Variants in PLXNC1 observed in about 807,000 individuals in gnomAD.
PLXNC1 encodes the protein plexin-C1.
Under a neutral mutation model 178.2 loss-of-function variants are expected in PLXNC1, and 75 were observed. The ratio of observed to expected loss-of-function variants is 0.42; its 90% confidence interval spans 0.35 to 0.51. PLXNC1 has a LOEUF of 0.51. Ranked by LOEUF, PLXNC1 falls within the 20% of genes least tolerant of loss-of-function variation. The probability of loss-of-function intolerance (pLI) is 0.02; values close to 1 mark genes in which losing one functional copy is unlikely to be tolerated. For missense variants in PLXNC1, 1,503 were observed against 1,984.4 expected (o/e 0.76, Z 4.61); for synonymous variants, 790 against 779.9 (o/e 1.01, Z -0.22).
chr12:94,220,639 A>T (rs1963768571), intron 6 of PLXNC1, among the ~76,000 whole-genome samples: 1 of 152,224 alleles, frequency 6.6e-6, no homozygotes, highest in Admixed American at 6.5e-5. Flanking sequence ...TGCCCCTAAA[A>T]AAAAGACTGT....
At chr12:94,301,100 T>A in intron 28 of PLXNC1, 43 bp downstream of exon 28, 1 of 1,560,968 alleles carries the variant, frequency 6.4e-7, no homozygotes, top group East Asian at 2.2e-5. Context: ...GTCTTATGAG[T>A]TTGACATACT....
chr12:94,260,858 C>T lies in PLXNC1; in HGVS notation c.3450+18C>T. 6.2e-7 allele frequency: 1 copy of T among 1,608,696 alleles called. No homozygotes were observed. Among genetic ancestry groups the T allele is most frequent in the Non-Finnish European group, 8.5e-7 (1 of 1,175,248 alleles). ...TTCTCCGGGTAAGTGTCACATCCCTCAGCAATGTCAGAGGTAAGACAATAG... is the reference window on the plus strand; with the variant it reads ...TTCTCCGGGTAAGTGTCACATCCCTTAGCAATGTCAGAGGTAAGACAATAG... On this transcript the variant is annotated intron_variant, in intron 20 of 30. Transcript: ENST00000258526. The surrounding 1 kb of genome is among the most constrained non-coding windows in gnomAD (Gnocchi z 4.4).
chr12:94,283,179 A>G (rs1403505514), intron 23 of PLXNC1, among the ~76,000 whole-genome samples: 1 of 152,214 alleles, frequency 6.6e-6, no homozygotes, highest in Non-Finnish European at 1.5e-5. Context: ...AGACAAGTAG[A>G]GTCAACACCT....
intron 4 of PLXNC1, among the ~76,000 whole-genome samples, chr12:94,188,719 G>A (rs1962613340): frequency 6.6e-6 from 1 of 152,250 alleles, no homozygotes; most frequent in Admixed American, 6.5e-5. Flanking sequence ...ACAGGAGAGA[G>A]AAGGGTTGTG....
At position 94,260,446 on chromosome 12, in the gene PLXNC1, C is replaced by G. The variant is rs1468005052; in HGVS notation, c.3252-196C>G. ...GGAAGACTCACATCTTGTTACCACT[C>G]TAGTTTAAATGCTGAAAACACAGAA... On this transcript the variant is annotated intron_variant, in intron 19 of 30. Transcript: ENST00000258526. The surrounding 1 kb of genome is among the most constrained non-coding windows in gnomAD (Gnocchi z 4.4). Among the ~76,000 whole-genome samples, 3 of 150,630 alleles carry G rather than the reference C, an allele frequency of 2.0e-5. No homozygotes were observed. Among genetic ancestry groups the G allele is most frequent in the African/African-American group, 7.3e-5 (3 of 40,840 alleles).
intron 21 of PLXNC1, among the ~76,000 whole-genome samples, chr12:94,267,958 G>A (rs1965341087): frequency 6.6e-6 from 1 of 152,112 alleles, no homozygotes; most frequent in African/African-American, 2.4e-5. Context: ...AAACCAAGGT[G>A]CGGTGAACAA....
At chr12:94,151,416 T>A (rs1307707727) in intron 1 of PLXNC1, among the ~76,000 whole-genome samples, 1 of 152,204 alleles carries the variant, frequency 6.6e-6, no homozygotes, top group African/African-American at 2.4e-5. Flanking sequence ...ACACACACAT[T>A]AAGGCCTTCA....
intron 3 of PLXNC1, among the ~76,000 whole-genome samples, chr12:94,183,618 T>C (rs1477464018): frequency 2.0e-5 from 3 of 152,218 alleles, no homozygotes; most frequent in African/African-American, 7.2e-5. Context: ...TGCGTGTTTT[T>C]CCATTCAGCT....
chr12:94,270,094 T>C (rs565771370), intron 21 of PLXNC1, among the ~76,000 whole-genome samples: 72 of 152,342 alleles, frequency 4.7e-4, no homozygotes, highest in African/African-American at 1.7e-3. Context: ...TTATTTATAT[T>C]TGTACCCCTC....
At chr12:94,302,252 C>T (rs1968542551) in intron 28 of PLXNC1, among the ~76,000 whole-genome samples, 1 of 152,196 alleles carries the variant, frequency 6.6e-6, no homozygotes, top group South Asian at 2.1e-4. Context: ...ACCCACTGTG[C>T]TACAGCTTTT....
At chr12:94,257,658 A>C (rs1392945717) in intron 17 of PLXNC1, among the ~76,000 whole-genome samples, 1 of 152,186 alleles carries the variant, frequency 6.6e-6, no homozygotes, top group Non-Finnish European at 1.5e-5. Context: ...CTGTAATCCC[A>C]GCTACTCGGG....
At chr12:94,292,562 C>A (rs1967445362) in intron 23 of PLXNC1, among the ~76,000 whole-genome samples, 1 of 152,086 alleles carries the variant, frequency 6.6e-6, no homozygotes, top group Admixed American at 6.5e-5. Flanking sequence ...TGCTTGGAAC[C>A]ACAAGTATTT....
chr12:94,175,097 A>ATG (rs146825160), intron 2 of PLXNC1, among the ~76,000 whole-genome samples: 11 of 151,864 alleles, frequency 7.2e-5, no homozygotes, highest in Admixed American at 2.0e-4. Context: ...CTGTGTGTGC[A>ATG]TGTGTGTGTG....
At chr12:94,173,342 CT>C (rs1451733748) in intron 2 of PLXNC1, among the ~76,000 whole-genome samples, 2 of 152,186 alleles carry the variant, frequency 1.3e-5, no homozygotes, top group African/African-American at 2.4e-5. Context: ...ATATTTTGAG[CT>C]TTTCCAGGTG....
intron 17 of PLXNC1, among the ~76,000 whole-genome samples, chr12:94,259,006 G>C (rs557294869): frequency 6.6e-6 from 1 of 152,312 alleles, no homozygotes; most frequent in South Asian, 2.1e-4. Context: ...AGAGGGGTCT[G>C]ATATTTGCAT....
At chr12:94,186,661 A>G (rs769283) in intron 4 of PLXNC1, 188 bp downstream of exon 4, 123,706 of 519,010 alleles carry the variant, frequency 0.24, 15,471 homozygotes, top group African/African-American at 0.32. Flanking sequence ...GTGCTATGCA[A>G]TCACTGGACC....
At chr12:94,166,106 G>C (rs1430415063) in intron 1 of PLXNC1, among the ~76,000 whole-genome samples, 1 of 152,054 alleles carries the variant, frequency 6.6e-6, no homozygotes, top group Non-Finnish European at 1.5e-5. Context: ...CCAGGCTTGG[G>C]TTCATTGCTG....
At chr12:94,207,612 C>A (rs966918938) in intron 4 of PLXNC1, among the ~76,000 whole-genome samples, 7 of 152,146 alleles carry the variant, frequency 4.6e-5, no homozygotes, top group Admixed American at 4.6e-4. Context: ...AGACCTTCTC[C>A]CTTCTTTGAG....
chr12:94,284,612 A>T (rs1050685369), intron 23 of PLXNC1, among the ~76,000 whole-genome samples: 16 of 152,038 alleles, frequency 1.1e-4, no homozygotes, highest in Admixed American at 5.2e-4. Context: ...AGGTACTATT[A>T]TTAACCCCAC....
Sources: gnomAD v4.1 joint callset for allele counts (sites outside exome capture counted in the v4.1 genomes callset) on GRCh38, gnomAD v4.1.1 for gene constraint, Gnocchi (gnomAD v3.1) non-coding constraint, MANE v1.5 for transcripts, NCBI Gene and HGNC (gene_info 2026-07-23, HGNC 2026-07-21) for gene names.